Variants in TRIM5 observed in about 807,000 individuals in gnomAD.
The protein encoded by TRIM5 is tripartite motif containing 5.
Under a neutral mutation model 35.6 loss-of-function variants are expected in TRIM5, and 31 were observed. The observed-to-expected ratio is 0.87, with a 90% CI of 0.65 to 1.18. The LOEUF (loss-of-function observed/expected upper bound fraction) is 1.18, where lower values mean the gene tolerates loss of function less well. TRIM5 is among the 50% of genes most tolerant of loss of function. TRIM5 has a pLI of 0.00. For synonymous variants in TRIM5, 243 were observed against 215.6 expected (o/e 1.13, Z -1.11); for missense variants, 609 against 591.6 (o/e 1.03, Z -0.31).
At chr11:5,652,135 G>T in the TRIM5 span, among the ~76,000 whole-genome samples, 634 of 151,462 alleles carry the variant, frequency 4.2e-3, 5 homozygotes, top group African/African-American at 0.013. Context: ...TTTGGTTTTG[G>T]TTTTTTTTGC....
At chr11:5,643,598 T>C in the TRIM5 span, 6 of 1,614,044 alleles carry the variant, frequency 3.7e-6, no homozygotes, top group Non-Finnish European at 5.1e-6. Context: ...TCACAAGCCA[T>C]GGCTCCCTCA....
At chr11:5,627,459 G>C in the TRIM5 span, among the ~76,000 whole-genome samples, 1 of 152,196 alleles carries the variant, frequency 6.6e-6, no homozygotes, top group Non-Finnish European at 1.5e-5. Context: ...GTTTCTACCA[G>C]AGTGGTGGCA....
chr11:5,615,300 C>A, the TRIM5 span, among the ~76,000 whole-genome samples: 1 of 152,134 alleles, frequency 6.6e-6, no homozygotes, highest in Non-Finnish European at 1.5e-5. Context: ...TTATTCAAAT[C>A]TTCTGTATCT....
At chr11:5,640,324 G>GT in the TRIM5 span, among the ~76,000 whole-genome samples, 2 of 150,620 alleles carry the variant, frequency 1.3e-5, no homozygotes, top group African/African-American at 5.0e-5. Flanking sequence ...TTCCTGTTTT[G>GT]TTTTGTTTTT....
At chr11:5,595,269 T>C in the TRIM5 span, 3 of 152,222 alleles carry the variant, frequency 2.0e-5, no homozygotes, top group Non-Finnish European at 2.9e-5. Context: ...TGACATTCTT[T>C]TTCTTCTCAG....
the TRIM5 span, among the ~76,000 whole-genome samples, chr11:5,606,939 C>T: frequency 6.6e-6 from 1 of 152,194 alleles, no homozygotes; most frequent in Non-Finnish European, 1.5e-5. Flanking sequence ...CGCGGTGGCT[C>T]ACGCCTGTAA....
the TRIM5 span, chr11:5,632,690 A>G: frequency 8.7e-5 from 141 of 1,612,332 alleles, no homozygotes; most frequent in Non-Finnish European, 1.1e-4. Context: ...TGGCTTTGTG[A>G]GCGGTCTCAG....
At chr11:5,661,541 T>A (rs544331829), downstream of TRIM5, among the ~76,000 whole-genome samples, 1 of 152,274 alleles carries the variant, frequency 6.6e-6, no homozygotes, top group East Asian at 1.9e-4. Context: ...TCTCCCCAGA[T>A]TGTACCAAAA....
the TRIM5 span, among the ~76,000 whole-genome samples, chr11:5,625,725 C>A: frequency 6.6e-6 from 1 of 151,494 alleles, no homozygotes; most frequent in Non-Finnish European, 1.5e-5. Flanking sequence ...GGTCTCAGGG[C>A]TCTCCTTGCA....
At chr11:5,657,509 T>C in the TRIM5 span, among the ~76,000 whole-genome samples, 5 of 138,762 alleles carry the variant, frequency 3.6e-5, no homozygotes, top group African/African-American at 1.1e-4. Context: ...ATTTATATAT[T>C]ATATATAATG....
At position 5,665,748 on chromosome 11, in the gene TRIM5, C is replaced by G. The variant is rs1851083116; in HGVS notation, c.869-66G>C. 2.0e-6 allele frequency: 3 copies of G among 1,474,612 alleles called. No individual in the cohort carries two copies. The East Asian group carries it at 7.2e-5, about 35-fold the overall frequency. The allele number at this position is 1,474,612 out of a possible 1,614,324, so 91.3% of individuals were successfully genotyped here. A position where few individuals can be genotyped will look rare whatever the true frequency, so the allele number is the denominator to read the frequency against. ...GAGTCAGCACTGAAATTCATTTTCT[C>G]TCCAGATTAGGGAAAGAGTAGGTAT... On this transcript the variant is annotated intron_variant, in intron 6 of 7. Transcript: ENST00000380034.
chr11:5,655,150 G>A, the TRIM5 span, among the ~76,000 whole-genome samples: 51 of 150,162 alleles, frequency 3.4e-4, no homozygotes, highest in African/African-American at 1.2e-3. Context: ...CAGAGATCAC[G>A]CCATTGCACT....
chr11:5,671,935 C>T (rs1590245524), intron 4 of TRIM5, among the ~76,000 whole-genome samples: 1 of 152,072 alleles, frequency 6.6e-6, no homozygotes. Flanking sequence ...GAAAAACTTC[C>T]AAAGGCTACA....
At chr11:5,611,522 C>T in the TRIM5 span, 3 of 584,240 alleles carry the variant, frequency 5.1e-6, no homozygotes, top group Non-Finnish European at 8.9e-6. Flanking sequence ...GGCGCAATCT[C>T]GGCTCACTGC....
At chr11:5,596,252 G>C in the TRIM5 span, 1 of 152,742 alleles carries the variant, frequency 6.5e-6, no homozygotes. Context: ...GACCCGCTCT[G>C]CAGGTCGGGT....
At chr11:5,657,320 G>T in the TRIM5 span, among the ~76,000 whole-genome samples, 1 of 151,560 alleles carries the variant, frequency 6.6e-6, no homozygotes, top group Non-Finnish European at 1.5e-5. Context: ...ATGGGTGGGG[G>T]ACTAGGGAAG....
At chr11:5,683,176 G>A (rs538276113) in intron 1 of TRIM5, among the ~76,000 whole-genome samples, 1 of 152,322 alleles carries the variant, frequency 6.6e-6, no homozygotes, top group South Asian at 2.1e-4. Context: ...CACCATGCCT[G>A]AGCCTCCCCA....
chr11:5,673,146 G>C (rs955945199), intron 4 of TRIM5, among the ~76,000 whole-genome samples: 1 of 151,982 alleles, frequency 6.6e-6, no homozygotes, highest in Non-Finnish European at 1.5e-5. Flanking sequence ...AGACAGACTG[G>C]GTAAAGAAGA....
the TRIM5 span, chr11:5,603,286 C>A: frequency 1.2e-6 from 2 of 1,614,018 alleles, no homozygotes; most frequent in South Asian, 2.2e-5. Flanking sequence ...CAGGGTTGGG[C>A]AGGCAGGAGC....
Sources: gnomAD v4.1 joint callset for allele counts (sites outside exome capture counted in the v4.1 genomes callset) on GRCh38, gnomAD v4.1.1 for gene constraint, MANE v1.5 for transcripts, NCBI Gene and HGNC (gene_info 2026-07-23, HGNC 2026-07-21) for gene names.